The following CRB1 variants were observed in gnomAD, a reference collection of about 807,000 sequenced individuals.
CRB1 encodes protein crumbs homolog 1.
CRB1 carries 83 observed loss-of-function variants against 120.0 expected under a neutral mutation model. The ratio of observed to expected loss-of-function variants is 0.69; its 90% CI spans 0.58 to 0.83. The LOEUF (loss-of-function observed/expected upper bound fraction) is 0.83, where lower values mean the gene tolerates loss of function less well. Among genes scored for constraint, CRB1 ranks in the 40% least tolerant of loss-of-function variants. The probability of loss-of-function intolerance (pLI) is 0.00; values close to 1 mark genes in which losing one functional copy is unlikely to be tolerated. For synonymous variants in CRB1, 625 were observed against 612.5 expected (o/e 1.02, Z -0.30); for missense variants, 1,699 against 1,687.6 (o/e 1.01, Z -0.12).
chr1:197,280,180 T>G (rs1304459720), intron 1 of CRB1, among the ~76,000 whole-genome samples: 2 of 151,894 alleles, frequency 1.3e-5, no homozygotes, highest in Non-Finnish European at 2.9e-5. Flanking sequence ...CTTTTGGTCC[T>G]TCTGAATTAA....
At chr1:197,282,779 C>G (rs1458503910) in intron 1 of CRB1, among the ~76,000 whole-genome samples, 2 of 152,014 alleles carry the variant, frequency 1.3e-5, no homozygotes, top group East Asian at 3.9e-4. Context: ...CTCAATGTCT[C>G]TCACTACTTC....
intron 8 of CRB1, among the ~76,000 whole-genome samples, chr1:197,432,626 T>C (rs1363715250): frequency 6.6e-6 from 1 of 152,142 alleles, no homozygotes; most frequent in Non-Finnish European, 1.5e-5. Flanking sequence ...GATTTAGTGA[T>C]AACCTAGACA....
chr1:197,223,273 A>C, the CRB1 span: 1 of 893,682 alleles, frequency 1.1e-6, no homozygotes, highest in Non-Finnish European at 1.8e-6. Flanking sequence ...TTGTGCCAGA[A>C]TTAGAAAAGG....
the CRB1 span, among the ~76,000 whole-genome samples, chr1:197,221,076 G>C: frequency 4.6e-5 from 7 of 152,276 alleles, no homozygotes; most frequent in African/African-American, 1.4e-4. Context: ...CACAGACTAC[G>C]ATACTTGTGT....
chr1:197,302,558 C>CA (rs543613306), intron 1 of CRB1, among the ~76,000 whole-genome samples: 117 of 151,920 alleles, frequency 7.7e-4, no homozygotes, highest in Non-Finnish European at 1.4e-3. Context: ...AAGATGGGGC[C>CA]AAAAAATGGA....
rs185128821 is a variant in CRB1 at position 197,299,444 on chromosome 1, T to C, written c.71-28978T>C. On this transcript the variant is annotated intron_variant, in intron 1 of 11. Transcript: ENST00000367400. ...ATAAGCTCTGGAAAGCAATTTGAAG[T>C]TATTTTATAAATTTGACCATAAATT... 3.1e-3 allele frequency among the ~76,000 whole-genome samples: 475 copies of C among 152,244 alleles called. 1 individual carries two copies. Among genetic ancestry groups the C allele is most frequent in the African/African-American group, 0.011 (458 of 41,554 alleles).
intron 11 of CRB1, among the ~76,000 whole-genome samples, chr1:197,446,848 T>A (rs550429911): frequency 1.3e-5 from 2 of 152,310 alleles, no homozygotes; most frequent in African/African-American, 4.8e-5. Flanking sequence ...GATAAATGAA[T>A]GAATTTAAGA....
In CRB1 at chr1:197,328,976, A is replaced by T; in HGVS notation, c.625A>T (p.Thr209Ser). Reference protein sequence around the residue: ...ATCLNEIGRYTCICPHNYSGV... With the variant: ...ATCLNEIGRYSCICPHNYSGV... ...ATGCCTCAATGAAATAGGAAGATATACTTGTATCTGTCCCCACAATTATTC... is the reference window on the plus strand; with the variant it reads ...ATGCCTCAATGAAATAGGAAGATATTCTTGTATCTGTCCCCACAATTATTC... The change falls in exon 2 of 12, where the codon ACT (threonine) becomes TCT (serine). Residue 209 changes from threonine (T) to serine (S), a missense_variant. By Grantham distance (58) the Thr-to-Ser change is moderately conservative. Coordinates refer to ENST00000367400, the MANE Select transcript of CRB1 (RefSeq NM_201253.3). 6.2e-7 allele frequency: 1 copy of T among 1,613,588 alleles called. No homozygotes were observed. Among genetic ancestry groups the T allele is most frequent in the Non-Finnish European group, 8.5e-7 (1 of 1,179,952 alleles).
chr1:197,455,924 A>G (rs1666263133), intron 11 of CRB1, among the ~76,000 whole-genome samples: 1 of 152,132 alleles, frequency 6.6e-6, no homozygotes, highest in Non-Finnish European at 1.5e-5. Flanking sequence ...AAAGGAAGCC[A>G]CATATTAAAT....
intron 4 of CRB1, among the ~76,000 whole-genome samples, chr1:197,348,478 ATTTATT>A (rs1480448322): frequency 2.0e-5 from 3 of 152,032 alleles, no homozygotes; most frequent in Non-Finnish European, 4.4e-5. Context: ...TTGTTTATTT[ATTTATT>A]TTTATTTTTT....
At chr1:197,347,630 A>G in intron 4 of CRB1, 151 bp downstream of exon 4, 1 of 831,228 alleles carries the variant, frequency 1.2e-6, no homozygotes, top group South Asian at 1.7e-5. Context: ...TTCAGTGCTC[A>G]CACATATTTA....
chr1:197,357,079 C>T lies in CRB1; in HGVS notation c.1171+66C>T, dbSNP rs752458876. On this transcript the variant is annotated intron_variant, in intron 5 of 11. Transcript: ENST00000367400. Reference sequence around the variant, plus strand: ...TTTTATGGCAGACCATGGCTTTAACCAAATGGTGTATTAGCAGGAAGAGCT... The same window carrying T: ...TTTTATGGCAGACCATGGCTTTAACTAAATGGTGTATTAGCAGGAAGAGCT... The T allele has an allele frequency of 3.3e-6, 5 of 1,495,152 alleles. No homozygotes were observed. The South Asian group carries it at 5.6e-5, about 17-fold the overall frequency. The allele number at this position is 1,495,152 out of a possible 1,614,324, so 92.6% of individuals were successfully genotyped here. A position where few individuals can be genotyped will look rare whatever the true frequency, so the allele number is the denominator to read the frequency against.
At chr1:197,450,522 T>G (rs1665907912) in intron 11 of CRB1, among the ~76,000 whole-genome samples, 1 of 152,102 alleles carries the variant, frequency 6.6e-6, no homozygotes, top group South Asian at 2.1e-4. Context: ...GTTTTTTTTG[T>G]AAACATTATA....
At chr1:197,235,286 T>G in the CRB1 span, among the ~76,000 whole-genome samples, 3 of 152,138 alleles carry the variant, frequency 2.0e-5, no homozygotes, top group Non-Finnish European at 4.4e-5. Context: ...GTCCCATTAA[T>G]TAAGCTACAA....
rs1659850671 is a variant in CRB1 at position 197,347,559 on chromosome 1, AATT to A, written c.988+84_988+86del. The A allele has an allele frequency of 7.0e-6, 10 of 1,426,540 alleles. No individual in the cohort carries two copies. The South Asian group carries it at 7.1e-5, about 10-fold the overall frequency. The allele number at this position is 1,426,540 out of a possible 1,614,324, so 88.4% of individuals were successfully genotyped here. ...ATCGCTTATAGCAAATGAAATGAAA[AATT>A]ATTGTTGTTAAATGTTTTAAATCAA... On this transcript the variant is annotated intron_variant, in intron 4 of 11. Coordinates refer to ENST00000367400, the MANE Select transcript of CRB1 (RefSeq NM_201253.3).
Position 197,478,048 on chromosome 1 carries a change from C to A in CRB1, c.*169C>A. On this transcript the variant is annotated 3_prime_UTR_variant, in exon 12 of 12. Transcript: ENST00000367400. ...AAACTTTCACAGTGGTTCCGCTCGA[C>A]ACCATTGTTTTATTATATTATATCA... is the stretch of plus-strand genomic sequence containing the variant. 1.4e-6 allele frequency: 1 copy of A among 715,232 alleles called. No individual in the cohort carries two copies. Among genetic ancestry groups the A allele is most frequent in the South Asian group, 1.6e-5 (1 of 61,246 alleles). The allele number at this position is 715,232 out of a possible 1,614,324, so 44.3% of individuals were successfully genotyped here.
intron 2 of CRB1, 136 bp from the exon 3 acceptor site, chr1:197,344,145 C>A: frequency 1.1e-6 from 1 of 889,858 alleles, no homozygotes; most frequent in Non-Finnish European, 1.9e-6. Context: ...ATATCAATTA[C>A]AATTAAGGGG....
At chr1:197,399,486 A>G (rs1303200575) in intron 5 of CRB1, among the ~76,000 whole-genome samples, 1 of 152,194 alleles carries the variant, frequency 6.6e-6, no homozygotes, top group Non-Finnish European at 1.5e-5. Context: ...GCTTGGTTAA[A>G]TCGTTCAATC....
At chr1:197,339,671 T>A (rs1659346174) in intron 2 of CRB1, among the ~76,000 whole-genome samples, 1 of 152,212 alleles carries the variant, frequency 6.6e-6, no homozygotes, top group Admixed American at 6.5e-5. Context: ...AGTCAAGACC[T>A]GTTCCATCCT....
Sources: allele counts gnomAD v4.1 joint callset (sites outside exome capture counted in the v4.1 genomes callset), GRCh38; gene constraint gnomAD v4.1.1; transcripts MANE v1.5; gene names NCBI Gene and HGNC (gene_info 2026-07-23, HGNC 2026-07-21).